B3GALT5: variants seen among roughly 807,000 people sequenced by gnomAD.
The protein encoded by B3GALT5 is UDP-Gal:betaGlcNAc beta 1,3-galactosyltransferase, polypeptide 5.
For missense variants in B3GALT5, 328 were observed against 396.6 expected, an observed-to-expected ratio of 0.83 and a Z score of 1.47; for synonymous variants, 156 against 158.6, an observed-to-expected ratio of 0.98 and a Z score of 0.12.
chr21:39,661,131 T>C lies in B3GALT5; in HGVS notation c.572T>C (p.Ile191Thr). 1 of 1,614,054 alleles carries C rather than the reference T, an allele frequency of 6.2e-7. No individual in the cohort carries two copies. The highest frequency in any genetic ancestry group is 1.1e-5 in the South Asian group (1 of 91,068). The stretch of plus-strand genomic sequence containing the variant: ...TTCTTGAAACTCAATGAGTTTCCCA[T>C]CAGGCAGCCATTCAGCAAGTGGTTT... Reference protein sequence around the residue: ...TGFLKLNEFPIRQPFSKWFVS... With the variant: ...TGFLKLNEFPTRQPFSKWFVS... The change falls in exon 4 of 4, where the codon ATC (isoleucine) becomes ACC (threonine). Residue 191 changes from isoleucine (I) to threonine (T), a missense_variant. Transcript: ENST00000684187. This position sits in a 1 kb window ranked among gnomAD's most constrained non-coding sequence, Gnocchi z 4.7.
intron 1 of B3GALT5, among the ~76,000 whole-genome samples, chr21:39,621,102 GA>G (rs1004583004): frequency 1.3e-5 from 2 of 151,726 alleles, no homozygotes; most frequent in South Asian, 2.1e-4. Context: ...CTTTCTCTGA[GA>G]AAAAAAAGTG....
chr21:39,613,244 T>G (rs956812183), intron 1 of B3GALT5, among the ~76,000 whole-genome samples, 177 bp downstream of exon 1: 10 of 152,092 alleles, frequency 6.6e-5, no homozygotes, highest in African/African-American at 2.4e-4. Context: ...GAAAGAAAAT[T>G]GTTACAGACC....
intron 1 of B3GALT5, among the ~76,000 whole-genome samples, chr21:39,633,661 T>C (rs2079206835): frequency 6.6e-6 from 1 of 152,226 alleles, no homozygotes; most frequent in Admixed American, 6.5e-5. Flanking sequence ...CTTCTAACAG[T>C]GCTTGAAATT....
At chr21:39,639,290 C>CT (rs958608541) in intron 1 of B3GALT5, among the ~76,000 whole-genome samples, 7 of 44,120 alleles carry the variant, frequency 1.6e-4, no homozygotes, top group Non-Finnish European at 2.7e-4. Flanking sequence ...GCATCTGGCT[C>CT]TTTCTTTCTT....
intron 1 of B3GALT5, among the ~76,000 whole-genome samples, chr21:39,621,970 G>T (rs145115993): frequency 6.6e-6 from 1 of 151,024 alleles, no homozygotes; most frequent in Non-Finnish European, 1.5e-5. Context: ...CTCTTTTTTC[G>T]TAGCTTCTTG....
chr21:39,657,623 C>T (rs763529634), intron 2 of B3GALT5: 8 of 331,668 alleles, frequency 2.4e-5, no homozygotes, highest in East Asian at 1.8e-4. Flanking sequence ...TCCGTAATCA[C>T]GCTAGCCAAT....
chr21:39,624,715 A>G (rs1378658415), intron 1 of B3GALT5, among the ~76,000 whole-genome samples: 1 of 152,200 alleles, frequency 6.6e-6, no homozygotes, highest in Non-Finnish European at 1.5e-5. Context: ...ATCCATAAAT[A>G]ACTGAATTTG....
At position 39,664,043 on chromosome 21, in the gene B3GALT5, T is replaced by C. The variant is rs1181150078; in HGVS notation, c.*2551T>C. 3 of 152,296 alleles carry C rather than the reference T, an allele frequency of 2.0e-5. No individual in the cohort carries two copies. Among genetic ancestry groups the C allele is most frequent in the Non-Finnish European group, 4.4e-5 (3 of 68,112 alleles). 9.4% of individuals were successfully genotyped at this position (152,296 alleles called of 1,614,324 possible). On this transcript the variant is annotated 3_prime_UTR_variant, in exon 4 of 4. Coordinates refer to ENST00000684187, the MANE Select transcript of B3GALT5 (RefSeq NM_001356336.2). ...TAGGGGCTGTGTAGGTATTGCCTCA[T>C]CTACATGCTCTCAATGAGTTTTCCG...
intron 2 of B3GALT5, among the ~76,000 whole-genome samples, chr21:39,651,431 G>A (rs1349439460): frequency 1.3e-5 from 2 of 152,196 alleles, no homozygotes; most frequent in African/African-American, 4.8e-5. Context: ...CCTTGGCTGG[G>A]AGACACAAAG....
chr21:39,659,785 C>T lies in B3GALT5; in HGVS notation c.-128C>T, dbSNP rs937475730. ...TGTCAGAATCACCATTTTTGGTAAA[C>T]AAACCAAGCCCAGAACCTGATAATT... On this transcript the variant is annotated 5_prime_UTR_variant, in exon 3 of 4. The change creates a premature stop within an existing upstream ORF in the 5' untranslated region. Transcript: ENST00000684187. The T allele has an allele frequency of 2.0e-6, 2 of 983,340 alleles. No individual in the cohort carries two copies. The allele number at this position is 983,340 out of a possible 1,614,324, so 60.9% of individuals were successfully genotyped here.
intron 1 of B3GALT5, among the ~76,000 whole-genome samples, chr21:39,633,849 T>C (rs1219491276): frequency 6.6e-6 from 1 of 152,236 alleles, no homozygotes; most frequent in Non-Finnish European, 1.5e-5. Flanking sequence ...ATTGAGTAAC[T>C]TATTTTCTGT....
In B3GALT5 at chr21:39,663,706, C is replaced by G. The variant is rs2079551257; in HGVS notation, c.*2214C>G. ...TAGAACTTGAAGGAACCTTAGAGCT[C>G]ATTCAATCCTGCCTCCTCTTTTATG... is the stretch of plus-strand genomic sequence containing the variant. On this transcript the variant is annotated 3_prime_UTR_variant, in exon 4 of 4. Coordinates refer to ENST00000684187, the MANE Select transcript of B3GALT5 (RefSeq NM_001356336.2). 1 of 152,214 alleles carries G rather than the reference C, an allele frequency of 6.6e-6. No homozygotes were observed. The allele number at this position is 152,214 out of a possible 1,614,324, so 9.4% of individuals were successfully genotyped here.
At chr21:39,641,039 C>T (rs1289046675) in intron 1 of B3GALT5, among the ~76,000 whole-genome samples, 1 of 152,112 alleles carries the variant, frequency 6.6e-6, no homozygotes, top group Non-Finnish European at 1.5e-5. Flanking sequence ...ACCACTGCAC[C>T]CAGCTGCATT....
intron 1 of B3GALT5, among the ~76,000 whole-genome samples, chr21:39,617,554 A>T (rs1450133177): frequency 2.0e-5 from 3 of 152,208 alleles, no homozygotes; most frequent in African/African-American, 7.2e-5. Context: ...CAGGAGAACA[A>T]CATGGGGGAA....
Position 39,660,639 on chromosome 21 carries a change from G to C in B3GALT5, c.80G>C (p.Ser27Thr), listed in dbSNP as rs761994452. 1 of 1,529,764 alleles carries C rather than the reference G, an allele frequency of 6.5e-7. No homozygotes were observed. Among genetic ancestry groups the C allele is most frequent in the African/African-American group, 1.4e-5 (1 of 72,196 alleles). The allele number at this position is 1,529,764 out of a possible 1,614,324, so 94.8% of individuals were successfully genotyped here. A position where few individuals can be genotyped will look rare whatever the true frequency, so the allele number is the denominator to read the frequency against. The change falls in exon 4 of 4, where the codon AGT becomes ACT. Residue 27 changes from serine (S) to threonine (T), a missense_variant. Ser to Thr is a moderately conservative substitution (Grantham distance 58, BLOSUM62 1). Coordinates refer to ENST00000684187, the MANE Select transcript of B3GALT5 (RefSeq NM_001356336.2). ...GALCLYFSMY[S>T]LNPFKEQSFV... ...CTTTGTTTGTATTTTAGCATGTACAGTCTAAATCCTTTCAAAGAACAGTCC... is the reference window on the plus strand; with the variant it reads ...CTTTGTTTGTATTTTAGCATGTACACTCTAAATCCTTTCAAAGAACAGTCC...
chr21:39,661,194 C>A lies in B3GALT5; in HGVS notation c.635C>A (p.Pro212Gln). ...KSEYPWDRYP[P>Q]FCSGTGYVFS... is the part of the protein sequence containing the mutation. The stretch of plus-strand genomic sequence containing the variant: ...GAATATCCGTGGGACAGGTACCCAC[C>A]ATTCTGCTCCGGCACCGGCTACGTG... The change falls in exon 4 of 4, where the codon CCA becomes CAA. Residue 212 changes from proline (P) to glutamine (Q), a missense_variant. Coordinates refer to ENST00000684187, the MANE Select transcript of B3GALT5 (RefSeq NM_001356336.2). This position sits in a 1 kb window ranked among gnomAD's most constrained non-coding sequence, Gnocchi z 4.7. The A allele has an allele frequency of 6.2e-7, 1 of 1,614,172 alleles. No individual in the cohort carries two copies. The highest frequency in any genetic ancestry group is 8.5e-7 in the Non-Finnish European group (1 of 1,180,032).
intron 2 of B3GALT5, among the ~76,000 whole-genome samples, chr21:39,659,257 TA>T (rs1388479555): frequency 2.6e-5 from 4 of 152,166 alleles, no homozygotes; most frequent in Non-Finnish European, 5.9e-5. Context: ...TCTGAAATAT[TA>T]AAATTAAAAA....
In B3GALT5 at chr21:39,663,843, T is replaced by C. The variant is rs1458791719; in HGVS notation, c.*2351T>C. 6.6e-6 allele frequency: 1 copy of C among 152,144 alleles called. No homozygotes were observed. The highest frequency in any genetic ancestry group is 1.5e-5 in the Non-Finnish European group (1 of 68,062). 9.4% of individuals were successfully genotyped at this position (152,144 alleles called of 1,614,324 possible). ...GCGTGGGTTTCCTGGTGCTGTCTTG[T>C]CTGGATGTGAGAGTGAGAAACAATG... is the stretch of plus-strand genomic sequence containing the variant. On this transcript the variant is annotated 3_prime_UTR_variant, in exon 4 of 4. Coordinates refer to ENST00000684187, the MANE Select transcript of B3GALT5 (RefSeq NM_001356336.2).
intron 2 of B3GALT5, among the ~76,000 whole-genome samples, chr21:39,655,803 C>T (rs1020111984): frequency 6.6e-6 from 1 of 152,160 alleles, no homozygotes; most frequent in African/African-American, 2.4e-5. Context: ...GGGGAGGCTC[C>T]AGGCCATGTG....
Sources: allele counts gnomAD v4.1 joint callset (sites outside exome capture counted in the v4.1 genomes callset), GRCh38; gene constraint gnomAD v4.1.1; non-coding constraint Gnocchi (gnomAD v3.1); transcripts MANE v1.5; gene names NCBI Gene and HGNC (gene_info 2026-07-23, HGNC 2026-07-21).